CACNA1C: variants seen among roughly 807,000 people sequenced by gnomAD.
The protein encoded by CACNA1C is calcium voltage-gated channel subunit alpha1 C.
Under a neutral mutation model 229.0 loss-of-function variants are expected in CACNA1C, and 30 were observed. The ratio of observed to expected loss-of-function variants is 0.13; its 90% CI spans 0.10 to 0.18. The LOEUF (loss-of-function observed/expected upper bound fraction) is 0.18, where lower values mean the gene tolerates loss of function less well. Among genes scored for constraint, CACNA1C ranks in the 10% least tolerant of loss-of-function variants. The pLI, the probability that CACNA1C is intolerant of heterozygous loss-of-function variation, is 1.00. For synonymous variants in CACNA1C, 1,114 were observed against 1,132.5 expected, an observed-to-expected ratio of 0.98 and a Z score of 0.33; for missense variants, 1,658 against 2,845.0, an observed-to-expected ratio of 0.58 and a Z score of 9.49.
chr12:2,559,560 G>A (rs2046376103), intron 11 of CACNA1C, among the ~76,000 whole-genome samples: 1 of 152,248 alleles, frequency 6.6e-6, no homozygotes, highest in East Asian at 1.9e-4. Flanking sequence ...ATACACCGCA[G>A]TAATGCGGAC....
At chr12:1,975,525 T>A (rs867252564) in intron 1 of CACNA1C, among the ~76,000 whole-genome samples, 1 of 152,236 alleles carries the variant, frequency 6.6e-6, no homozygotes, top group African/African-American at 2.4e-5. Context: ...GCTTTCCTTA[T>A]TAAGCATTTA....
chr12:2,588,464 C>G (rs2063559243), intron 18 of CACNA1C, among the ~76,000 whole-genome samples: 1 of 152,256 alleles, frequency 6.6e-6, no homozygotes. Flanking sequence ...TGCCCTCTCC[C>G]TCTCTCCTGG....
At chr12:2,587,401 C>T (rs2062987805) in intron 18 of CACNA1C, among the ~76,000 whole-genome samples, 1 of 152,212 alleles carries the variant, frequency 6.6e-6, no homozygotes, top group South Asian at 2.1e-4. Context: ...ATGGGGCCAG[C>T]CTCCAGGATG....
intron 3 of CACNA1C, among the ~76,000 whole-genome samples, chr12:2,130,623 G>A (rs1418666609): frequency 1.8e-5 from 1 of 55,202 alleles, no homozygotes. Flanking sequence ...TCCCTACAAA[G>A]GACATGAACT....
At chr12:2,245,072 A>G (rs372078694) in intron 3 of CACNA1C, among the ~76,000 whole-genome samples, 66 of 152,320 alleles carry the variant, frequency 4.3e-4, no homozygotes, top group African/African-American at 1.4e-3. Context: ...AGTGTCTAGG[A>G]AAGTGCAAAA....
At chr12:2,014,364 C>T in intron 1 of CACNA1C, among the ~76,000 whole-genome samples, 1 of 151,990 alleles carries the variant, frequency 6.6e-6, no homozygotes, top group East Asian at 1.9e-4. Context: ...TCAGCACTTT[C>T]CCATGGAGTA....
At chr12:2,355,860 C>T (rs2097346499) in intron 3 of CACNA1C, among the ~76,000 whole-genome samples, 1 of 152,058 alleles carries the variant, frequency 6.6e-6, no homozygotes. Context: ...TGATCCAGCC[C>T]AATAAGTCAG....
rs2073502598 is a variant in CACNA1C, at chr12:2,602,999, A to G, written c.2960+1039A>G. Among the ~76,000 whole-genome samples, 1 of 152,154 alleles carries G rather than the reference A, an allele frequency of 6.6e-6. No individual in the cohort carries two copies. The highest frequency in any genetic ancestry group is 2.4e-5 in the African/African-American group (1 of 41,438). ...TCACACCTGTGGTAGAGAAAGGCCT[A>G]AGTCCCAGCGTTCCTGGGTCTCTCC... On this transcript the variant is annotated intron_variant, in intron 22 of 46. Transcript: ENST00000399655. The surrounding 1 kb of genome is among the most constrained non-coding windows in gnomAD (Gnocchi z 4.4).
Position 2,647,756 on chromosome 12 carries a change from GCTGGCCCTGC to G in CACNA1C, c.3913-714_3913-705del, listed in dbSNP as rs2094500995. 6.6e-6 allele frequency among the ~76,000 whole-genome samples: 1 copy of G among 152,204 alleles called. No individual in the cohort carries two copies. Among genetic ancestry groups the G allele is most frequent in the Non-Finnish European group, 1.5e-5 (1 of 68,038 alleles). On this transcript the variant is annotated intron_variant, in intron 30 of 46. Transcript: ENST00000399655. The surrounding 1 kb of genome is among the most constrained non-coding windows in gnomAD (Gnocchi z 4.2). ...GGGTCAGCAAGGCCTCTGTCCTTCA[GCTGGCCCTGC>G]CTGGGGTAAGCTAAAGTGCACAAAG...
intron 1 of CACNA1C, among the ~76,000 whole-genome samples, chr12:2,041,270 C>CTTTTTTTTTTTTTTT (rs58922699): frequency 1.1e-5 from 1 of 91,008 alleles, no homozygotes; most frequent in African/African-American, 4.2e-5. Context: ...TAAGGGTATT[C>CTTTTTTTTTTTTTTT]TTTTTTTTTT....
chr12:2,681,266 C>G (rs1318304444), intron 42 of CACNA1C, among the ~76,000 whole-genome samples: 1 of 152,120 alleles, frequency 6.6e-6, no homozygotes, highest in East Asian at 1.9e-4. Flanking sequence ...TTTCCTTGTC[C>G]CCACAGATAT....
intron 9 of CACNA1C, among the ~76,000 whole-genome samples, chr12:2,545,102 C>T (rs2099878663): frequency 6.6e-6 from 1 of 151,950 alleles, no homozygotes; most frequent in Non-Finnish European, 1.5e-5. Context: ...CTGAGCTGGT[C>T]GTTGCTGGTT....
rs2059787287 is a variant in CACNA1C at position 2,067,483 on chromosome 12, C to CGT, written c.49+13873_49+13874insTG. On this transcript the variant is annotated intron_variant, in intron 1 of 46. Transcript: ENST00000399655. This position sits in a 1 kb window ranked among gnomAD's most constrained non-coding sequence, Gnocchi z 5.3. ...GTGTGTGTGTGTGTGTGTGTGTGTG[C>CGT]GCGCGTGTGCGTGCCTGTATGTAAG... is the stretch of plus-strand genomic sequence containing the variant. Among the ~76,000 whole-genome samples, 3 of 31,502 alleles carry CGT rather than the reference C, an allele frequency of 9.5e-5. No individual in the cohort carries two copies. Among genetic ancestry groups the CGT allele is most frequent in the South Asian group, 8.7e-4 (1 of 1,152 alleles). 20.7% of individuals were successfully genotyped at this position (31,502 alleles called of 152,430 possible). A position where few individuals can be genotyped will look rare whatever the true frequency, so the allele number is the denominator to read the frequency against.
rs780626370 is a variant in CACNA1C at position 2,029,764 on chromosome 12, A to G, written c.139+58563A>G. On this transcript the variant is annotated intron_variant, in intron 1 of 46. Transcript: ENST00000682462. The surrounding 1 kb of genome is among the most constrained non-coding windows in gnomAD (Gnocchi z 4.9). ...AGTAAGGGGCTAACACTGTGGTTCT[A>G]TTATTTACAGAAAACTTGTTTCTGG... 6.6e-6 allele frequency among the ~76,000 whole-genome samples: 1 copy of G among 152,136 alleles called. No homozygotes were observed. Among genetic ancestry groups the G allele is most frequent in the African/African-American group, 2.4e-5 (1 of 41,416 alleles).
At chr12:2,097,544 C>T (rs934585185) in intron 1 of CACNA1C, among the ~76,000 whole-genome samples, 8 of 152,334 alleles carry the variant, frequency 5.3e-5, no homozygotes, top group African/African-American at 1.7e-4. Context: ...AATTTTTCCA[C>T]ATGATTGCCA....
At chr12:2,357,689 G>A (rs1289439676) in intron 3 of CACNA1C, among the ~76,000 whole-genome samples, 5 of 145,692 alleles carry the variant, frequency 3.4e-5, no homozygotes, top group Non-Finnish European at 7.5e-5. Context: ...AAAAGGAATC[G>A]GCCAGGCACA....
At chr12:2,042,190 A>G (rs553057542) in intron 1 of CACNA1C, among the ~76,000 whole-genome samples, 2 of 152,308 alleles carry the variant, frequency 1.3e-5, no homozygotes, top group Admixed American at 6.5e-5. Context: ...CTCCTTGGAT[A>G]CATATTTACA....
At chr12:2,210,974 A>G (rs2097902655) in intron 3 of CACNA1C, among the ~76,000 whole-genome samples, 2 of 152,186 alleles carry the variant, frequency 1.3e-5, no homozygotes, top group Non-Finnish European at 1.5e-5. Context: ...CAAGATGGTT[A>G]TAGTAATGGA....
At chr12:2,461,270 A>T (rs189722364) in intron 5 of CACNA1C, among the ~76,000 whole-genome samples, 119 of 152,242 alleles carry the variant, frequency 7.8e-4, no homozygotes, top group African/African-American at 2.7e-3. Context: ...GATACAGCTG[A>T]TCGCTCCTTG....
Sources: allele counts gnomAD v4.1 joint callset (sites outside exome capture counted in the v4.1 genomes callset), GRCh38; gene constraint gnomAD v4.1.1; non-coding constraint Gnocchi (gnomAD v3.1); transcripts MANE v1.5; gene names NCBI Gene and HGNC (gene_info 2026-07-23, HGNC 2026-07-21).